The following LAMA3 variants were observed in gnomAD, a reference collection of about 807,000 sequenced individuals.
LAMA3 encodes the protein laminin subunit alpha 3.
A neutral mutation model predicts 402.0 loss-of-function variants in LAMA3; 281 were observed. The observed-to-expected ratio is 0.70, with a 90% CI of 0.63 to 0.77. The LOEUF (loss-of-function observed/expected upper bound fraction) is 0.77. Ranked by LOEUF, LAMA3 falls within the 30% of genes least tolerant of loss-of-function variation. The pLI, the probability that LAMA3 is intolerant of heterozygous loss-of-function variation, is 0.00. For synonymous variants in LAMA3, 1,431 were observed against 1,558.4 expected, an observed-to-expected ratio of 0.92 and a Z score of 1.93; for missense variants, 3,840 against 4,215.5, an observed-to-expected ratio of 0.91 and a Z score of 2.47.
intron 2 of LAMA3, among the ~76,000 whole-genome samples, chr18:23,719,257 G>C (rs2061167155): frequency 6.6e-6 from 1 of 152,122 alleles, no homozygotes; most frequent in South Asian, 2.1e-4. Flanking sequence ...CCACTCAGGA[G>C]GCAGAGGCAC....
intron 62 of LAMA3, among the ~76,000 whole-genome samples, chr18:23,923,438 G>A (rs1479974800): frequency 6.6e-6 from 1 of 152,236 alleles, no homozygotes; most frequent in East Asian, 1.9e-4. Context: ...TATTTAGGAT[G>A]GTGAATGGGC....
At chr18:23,933,690 C>A in intron 66 of LAMA3, 92 bp from the exon 67 acceptor site, 2 of 1,401,288 alleles carry the variant, frequency 1.4e-6, no homozygotes, top group Non-Finnish European at 2.0e-6. Context: ...ATCCCCAAAA[C>A]ATGTACTTTT....
At chr18:23,931,394 T>C in intron 65 of LAMA3, 193 bp downstream of exon 65, 1 of 599,008 alleles carries the variant, frequency 1.7e-6, no homozygotes, top group Non-Finnish European at 3.0e-6. Flanking sequence ...TGGTGGCTCA[T>C]GTCTGTAATC....
intron 2 of LAMA3, among the ~76,000 whole-genome samples, chr18:23,746,432 T>A (rs1300516992): frequency 6.6e-6 from 1 of 152,150 alleles, no homozygotes; most frequent in East Asian, 1.9e-4. Flanking sequence ...ATTACAGATC[T>A]ATGTGAGGCC....
intron 6 of LAMA3, among the ~76,000 whole-genome samples, chr18:23,755,463 A>G (rs148756674): frequency 5.3e-5 from 8 of 152,334 alleles, no homozygotes; most frequent in African/African-American, 1.9e-4. Flanking sequence ...ACTTGAACAA[A>G]TGCTGATGAA....
In LAMA3 at chr18:23,953,115, T is replaced by A; in HGVS notation, c.9856+6T>A. On this transcript the variant is annotated splice_donor_region_variant and intron_variant, in intron 74 of 74. Transcript: ENST00000313654. ...ACACCTTGGAGGTGCTCCAGGTAAC[T>A]CTTGTCCTGACTTCTATAATGTGTT... The A allele has an allele frequency of 6.2e-7, 1 of 1,613,858 alleles. No homozygotes were observed. The highest frequency in any genetic ancestry group is 8.5e-7 in the Non-Finnish European group (1 of 1,179,802).
chr18:23,770,726 A>T (rs905594107), intron 8 of LAMA3, among the ~76,000 whole-genome samples: 6 of 152,140 alleles, frequency 3.9e-5, no homozygotes, highest in Admixed American at 6.5e-5. Context: ...GCGCCACTGC[A>T]CTCCAGCCTG....
At position 23,695,796 on chromosome 18, in the gene LAMA3, C is replaced by CAAAAAAAAAAA. The variant is rs58873998; in HGVS notation, c.294+5849_294+5859dup. The stretch of plus-strand genomic sequence containing the variant: ...TGGGTGACACAGCAAGACTCCATCT[C>CAAAAAAAAAAA]AAAAAAAAAAAAAAAAAAAAAAAAA... On this transcript the variant is annotated intron_variant, in intron 1 of 74. Transcript: ENST00000313654. 3.9e-4 allele frequency among the ~76,000 whole-genome samples: 15 copies of CAAAAAAAAAAA among 38,640 alleles called. 2 individuals carry two copies. The highest frequency in any genetic ancestry group is 1.2e-3 in the Admixed American group (2 of 1,730). The allele number at this position is 38,640 out of a possible 152,430, so 25.3% of individuals were successfully genotyped here.
chr18:23,951,819 C>T, intron 73 of LAMA3, 42 bp downstream of exon 73: 2 of 1,455,530 alleles, frequency 1.4e-6, no homozygotes, highest in South Asian at 2.3e-5. Context: ...CTAAAACAGG[C>T]CCCCTTTCCA....
chr18:23,868,042 A>G (rs1205097242), intron 37 of LAMA3, 125 bp downstream of exon 37: 26 of 809,956 alleles, frequency 3.2e-5, no homozygotes, highest in South Asian at 9.1e-5. Flanking sequence ...ATATGTTTAT[A>G]TATACAGGTT....
chr18:23,845,525 G>A (rs1598907767), intron 30 of LAMA3, among the ~76,000 whole-genome samples: 1 of 152,238 alleles, frequency 6.6e-6, no homozygotes, highest in East Asian at 1.9e-4. Context: ...AACCAAGCAG[G>A]GAGTGTCCAG....
rs533403846 is a variant in LAMA3 at position 23,894,957 on chromosome 18, G to A, written c.5512G>A (p.Glu1838Lys). 8.7e-6 allele frequency: 14 copies of A among 1,614,140 alleles called. No homozygotes were observed. The East Asian group carries it at 1.1e-4, about 13-fold the overall frequency. The change falls in exon 44 of 75, where the codon GAG becomes AAG. Residue 1838 changes from glutamate (E) to lysine (K), a missense_variant. Coordinates refer to ENST00000313654, the MANE Select transcript of LAMA3 (RefSeq NM_198129.4). ...CCTGAACGACCTGGCCACCATGGGC[G>A]AGCAGCTCCGCCTGGTCAAGTCTCA... ...TLLNDLATMG[E>K]QLRLVKSQLQ...
intron 40 of LAMA3, among the ~76,000 whole-genome samples, chr18:23,883,233 T>C (rs2064960516): frequency 6.6e-6 from 1 of 152,146 alleles, no homozygotes; most frequent in African/African-American, 2.4e-5. Flanking sequence ...TTTGGGGCAG[T>C]TCTGAGCCAC....
intron 2 of LAMA3, among the ~76,000 whole-genome samples, chr18:23,732,825 A>G (rs1598671004): frequency 6.6e-6 from 1 of 152,226 alleles, no homozygotes; most frequent in Middle Eastern, 3.4e-3. Flanking sequence ...CTGACATACT[A>G]GGGGTGTTGT....
intron 47 of LAMA3, chr18:23,899,755 T>G: frequency 3.2e-6 from 1 of 313,616 alleles, no homozygotes. Context: ...TTCACCTCTT[T>G]CCAGTTTTCT....
chr18:23,810,556 A>G (rs2063049214), intron 13 of LAMA3, 53 bp downstream of exon 13: 1 of 1,607,860 alleles, frequency 6.2e-7, no homozygotes, highest in Non-Finnish European at 8.5e-7. Flanking sequence ...AAGTGTGTGC[A>G]GCCAGCCTCC....
intron 68 of LAMA3, among the ~76,000 whole-genome samples, chr18:23,939,680 T>C (rs1412324538): frequency 6.6e-6 from 1 of 152,250 alleles, no homozygotes; most frequent in East Asian, 1.9e-4. Flanking sequence ...ACATTTTTTT[T>C]CTAAAGCTGC....
intron 32 of LAMA3, among the ~76,000 whole-genome samples, chr18:23,852,642 G>C (rs1482384332): frequency 6.6e-6 from 1 of 152,190 alleles, no homozygotes; most frequent in Non-Finnish European, 1.5e-5. Flanking sequence ...AGCATGGTGA[G>C]CGCCATATTG....
chr18:23,737,651 G>T (rs1321105930), intron 2 of LAMA3, among the ~76,000 whole-genome samples: 15 of 152,194 alleles, frequency 9.9e-5, no homozygotes, highest in Admixed American at 9.8e-4. Flanking sequence ...AATCCTTAGG[G>T]TTCTGGCTGA....
Sources: gnomAD v4.1 joint callset for allele counts (sites outside exome capture counted in the v4.1 genomes callset) on GRCh38, gnomAD v4.1.1 for gene constraint, MANE v1.5 for transcripts, NCBI Gene and HGNC (gene_info 2026-07-23, HGNC 2026-07-21) for gene names.